The following SHROOM3 variants were observed in gnomAD, a reference collection of about 807,000 sequenced individuals.
SHROOM3 encodes the protein shroom family member 3, also known as protein Shroom3.
In SHROOM3, 47 loss-of-function variants were observed where a neutral mutation model predicts 138.6. That is an observed-to-expected ratio of 0.34 (90% CI 0.27 to 0.43). SHROOM3 has a LOEUF of 0.43. Ranked by LOEUF, SHROOM3 falls within the 20% of genes least tolerant of loss-of-function variation. The pLI, the probability that SHROOM3 is intolerant of heterozygous loss-of-function variation, is 1.00. For missense variants in SHROOM3, 2,491 were observed against 2,596.5 expected (o/e 0.96, Z 0.88); for synonymous variants, 1,062 against 1,063.3 (o/e 1.00, Z 0.02).
At chr4:76,771,214 C>T (rs1304493222) in intron 10 of SHROOM3, among the ~76,000 whole-genome samples, 2 of 152,074 alleles carry the variant, frequency 1.3e-5, no homozygotes, top group African/African-American at 4.8e-5. Flanking sequence ...CCTGTCTCTA[C>T]TAAAAATACA....
At chr4:76,601,244 A>G (rs556715451) in intron 2 of SHROOM3, among the ~76,000 whole-genome samples, 2 of 152,272 alleles carry the variant, frequency 1.3e-5, no homozygotes, top group East Asian at 3.9e-4. Context: ...CATTTTTAGT[A>G]GTCACAACTG....
At chr4:76,510,762 GA>G (rs1732318250) in intron 1 of SHROOM3, among the ~76,000 whole-genome samples, 1 of 152,176 alleles carries the variant, frequency 6.6e-6, no homozygotes, top group Non-Finnish European at 1.5e-5. Flanking sequence ...TAATTGACCA[GA>G]GAGGTAGTGT....
At chr4:76,584,247 G>A (rs1341697489) in intron 2 of SHROOM3, among the ~76,000 whole-genome samples, 1 of 152,106 alleles carries the variant, frequency 6.6e-6, no homozygotes, top group African/African-American at 2.4e-5. Flanking sequence ...GTATCCGGGA[G>A]GCAGAGGTTG....
At chr4:76,617,307 T>C (rs1734903132) in intron 2 of SHROOM3, among the ~76,000 whole-genome samples, 1 of 152,200 alleles carries the variant, frequency 6.6e-6, no homozygotes, top group South Asian at 2.1e-4. Context: ...CTAGCTGCTG[T>C]TGTTGTTATA....
At chr4:76,689,656 G>T (rs1279463503) in intron 2 of SHROOM3, 1 of 985,356 alleles carries the variant, frequency 1.0e-6, no homozygotes, top group Non-Finnish European at 1.2e-6. Flanking sequence ...CGTCGGCCTG[G>T]AGCCCCGAGC....
intron 2 of SHROOM3, among the ~76,000 whole-genome samples, chr4:76,647,842 G>A (rs1056919309): frequency 1.3e-5 from 2 of 151,712 alleles, no homozygotes; most frequent in African/African-American, 4.8e-5. Context: ...TCTGTGGTGA[G>A]CAGTGATCAT....
At chr4:76,742,151 T>G (rs1721283473) in intron 5 of SHROOM3, 1 of 631,900 alleles carries the variant, frequency 1.6e-6, no homozygotes, top group Non-Finnish European at 2.8e-6. Context: ...TTATACAGAT[T>G]CTCTATCTAT....
chr4:76,468,378 C>A (rs1468043026), intron 1 of SHROOM3, among the ~76,000 whole-genome samples: 1 of 152,164 alleles, frequency 6.6e-6, no homozygotes, highest in Non-Finnish European at 1.5e-5. Flanking sequence ...TGTACACAGT[C>A]ATGTATATAC....
At chr4:76,743,527 C>G (rs1286107813) in intron 5 of SHROOM3, among the ~76,000 whole-genome samples, 1 of 152,218 alleles carries the variant, frequency 6.6e-6, no homozygotes, top group Non-Finnish European at 1.5e-5. Context: ...ATATATTTGG[C>G]AGGTCTGGCC....
chr4:76,609,865 T>C (rs931654715), intron 2 of SHROOM3, among the ~76,000 whole-genome samples: 2 of 152,220 alleles, frequency 1.3e-5, no homozygotes, highest in Non-Finnish European at 2.9e-5. Flanking sequence ...TTTCAGTAGA[T>C]GCTACTGAAC....
At chr4:76,606,434 G>A (rs1326493314) in intron 2 of SHROOM3, among the ~76,000 whole-genome samples, 1 of 151,984 alleles carries the variant, frequency 6.6e-6, no homozygotes, top group African/African-American at 2.4e-5. Flanking sequence ...TAAAGGCTGG[G>A]TGCAGTGGCT....
At chr4:76,659,581 CATTTATTT>C (rs375520866) in intron 2 of SHROOM3, among the ~76,000 whole-genome samples, 8 of 152,164 alleles carry the variant, frequency 5.3e-5, no homozygotes, top group African/African-American at 1.9e-4. Flanking sequence ...CTTTCAGAAG[CATTTATTT>C]ATTTATTTAT....
intron 5 of SHROOM3, among the ~76,000 whole-genome samples, chr4:76,743,619 C>CA (rs1721333927): frequency 1.3e-5 from 2 of 152,166 alleles, no homozygotes; most frequent in Non-Finnish European, 1.5e-5. Context: ...CATTGCAGAA[C>CA]AATAGATACT....
chr4:76,444,296 G>GTA (rs950651441), intron 1 of SHROOM3, among the ~76,000 whole-genome samples: 10 of 150,236 alleles, frequency 6.7e-5, no homozygotes, highest in Middle Eastern at 3.5e-3. Context: ...ATGTATATAT[G>GTA]TATATATATA....
Position 76,702,415 on chromosome 4 carries a change from A to T in SHROOM3, c.324-7741A>T, listed in dbSNP as rs568386383. 1.8e-3 allele frequency among the ~76,000 whole-genome samples: 273 copies of T among 152,358 alleles called. 2 individuals carry two copies. Among genetic ancestry groups the T allele is most frequent in the African/African-American group, 6.3e-3 (264 of 41,586 alleles). ...TCAGTTCTACGGGTAAAAATTTAAT[A>T]ATTATTGCCAGGCACTGTTCTGATT... On this transcript the variant is annotated intron_variant, in intron 2 of 10. Coordinates refer to ENST00000296043, the MANE Select transcript of SHROOM3 (RefSeq NM_020859.4).
rs1166450098 is a variant in SHROOM3, at chr4:76,555,659, G to A, written c.219G>A (p.Gly73=). The change falls in exon 2 of 11, where the codon GGG becomes GGA. Residue 73 remains glycine, a synonymous_variant. Transcript: ENST00000296043. ...CCCTGAGCTCCAAACTGCAGGCTGG[G>A]GATGAGGTTGTGCACATCAATGAGG... ...ADTLSSKLQA[G]DEVVHINEVT... is the part of the protein sequence containing the mutation. The A allele has an allele frequency of 1.2e-6, 2 of 1,613,982 alleles. No homozygotes were observed. Among genetic ancestry groups the A allele is most frequent in the South Asian group, 1.1e-5 (1 of 91,074 alleles).
intron 2 of SHROOM3, among the ~76,000 whole-genome samples, chr4:76,649,523 T>G (rs2110087546): frequency 6.6e-6 from 1 of 152,312 alleles, no homozygotes; most frequent in Non-Finnish European, 1.5e-5. Flanking sequence ...GCAAAATTCT[T>G]TGAACATTTG....
intron 2 of SHROOM3, among the ~76,000 whole-genome samples, chr4:76,588,506 G>T (rs1485783565): frequency 6.6e-6 from 1 of 152,052 alleles, no homozygotes; most frequent in African/African-American, 2.4e-5. Context: ...GACACATGCT[G>T]TGCACCCCCT....
intron 3 of SHROOM3, among the ~76,000 whole-genome samples, chr4:76,721,060 C>G (rs570161126): frequency 6.6e-6 from 1 of 151,960 alleles, no homozygotes; most frequent in African/African-American, 2.4e-5. Context: ...AAGAATTTCT[C>G]CAGCACTTTG....
Sources: allele counts gnomAD v4.1 joint callset (sites outside exome capture counted in the v4.1 genomes callset), GRCh38; gene constraint gnomAD v4.1.1; transcripts MANE v1.5; gene names NCBI Gene and HGNC (gene_info 2026-07-23, HGNC 2026-07-21).